SP6: variants seen among roughly 807,000 people sequenced by gnomAD.
SP6 encodes transcription factor Sp6.
SP6 carries 10 observed loss-of-function variants against 23.4 expected under a neutral mutation model. That is an observed-to-expected ratio of 0.43 (90% confidence interval 0.26 to 0.72). SP6 has a LOEUF of 0.72. Ranked by LOEUF, SP6 falls within the 30% of genes least tolerant of loss-of-function variation. The probability of loss-of-function intolerance (pLI) is 0.23; values close to 1 mark genes in which losing one functional copy is unlikely to be tolerated. For synonymous variants in SP6, 238 were observed against 238.7 expected (o/e 1.00, Z 0.03); for missense variants, 482 against 523.8 (o/e 0.92, Z 0.78).
the SP6 span, among the ~76,000 whole-genome samples, chr17:47,861,155 G>T: frequency 1.3e-5 from 2 of 152,206 alleles, no homozygotes; most frequent in African/African-American, 4.8e-5. Context: ...GGTTGGCTCT[G>T]ACTGCCCAGC....
At chr17:47,867,904 A>G in the SP6 span, among the ~76,000 whole-genome samples, 708 of 152,232 alleles carry the variant, frequency 4.7e-3, 10 homozygotes, top group African/African-American at 0.016. Flanking sequence ...GCACAGCCAC[A>G]CTGCCTGTGT....
chr17:47,867,647 C>T, the SP6 span, among the ~76,000 whole-genome samples: 161 of 151,776 alleles, frequency 1.1e-3, no homozygotes, highest in African/African-American at 3.7e-3. Context: ...CACTCAGCTT[C>T]CTGGGCCTCC....
At position 47,848,271 on chromosome 17, in the gene SP6, C is replaced by CT; in HGVS notation, c.158dup (p.Ser54GlufsTer15). ...CCACCTCCGGGCCCAGCGGGAGGCT[C>CT]TGCAGCTCTCCAGGCTGCAGCGGGG... On this transcript the variant is annotated frameshift_variant, in exon 2 of 2. Transcript: ENST00000536300. LOFTEE classifies it high-confidence loss of function. This position sits in a 1 kb window ranked among gnomAD's most constrained non-coding sequence, Gnocchi z 5.3. 1.2e-6 allele frequency: 2 copies of CT among 1,612,044 alleles called. No homozygotes were observed. The highest frequency in any genetic ancestry group is 1.7e-6 in the Non-Finnish European group (2 of 1,179,082).
At chr17:47,871,776 G>A in the SP6 span, among the ~76,000 whole-genome samples, 2 of 152,098 alleles carry the variant, frequency 1.3e-5, no homozygotes, top group Non-Finnish European at 2.9e-5. Context: ...CTGCCACCAT[G>A]CCTGACTAAT....
upstream of SP6, among the ~76,000 whole-genome samples, chr17:47,858,767 C>CTTTTTTTTTTTTTTT (rs36092685): frequency 6.5e-5 from 6 of 92,648 alleles, 2 homozygotes; most frequent in South Asian, 7.7e-4. Context: ...GATGAAGCAT[C>CTTTTTTTTTTTTTTT]TTTTTTTTTT....
chr17:47,863,218 C>T, the SP6 span: 2 of 152,254 alleles, frequency 1.3e-5, no homozygotes, highest in African/African-American at 4.8e-5. Context: ...TGCAGTGTCA[C>T]CTCTGATTCA....
At chr17:47,858,882 C>T (rs1223350331), upstream of SP6, among the ~76,000 whole-genome samples, 3 of 141,092 alleles carry the variant, frequency 2.1e-5, no homozygotes, top group Non-Finnish European at 3.0e-5. Flanking sequence ...TCAAGTGATT[C>T]TCATGCCTCA....
upstream of SP6, among the ~76,000 whole-genome samples, chr17:47,852,920 A>G (rs1328254649): frequency 6.6e-6 from 1 of 152,214 alleles, no homozygotes; most frequent in East Asian, 1.9e-4. Flanking sequence ...TAAATGGAAG[A>G]TATCCTTGTT....
upstream of SP6, among the ~76,000 whole-genome samples, chr17:47,853,833 C>G (rs2033979652): frequency 6.6e-6 from 1 of 152,194 alleles, no homozygotes; most frequent in Non-Finnish European, 1.5e-5. Flanking sequence ...CCTGCTCTGC[C>G]TAGGTTTCTG....
chr17:47,875,297 C>T, the SP6 span, among the ~76,000 whole-genome samples: 1 of 152,326 alleles, frequency 6.6e-6, no homozygotes, highest in African/African-American at 2.4e-5. Flanking sequence ...GCTGCCCTTG[C>T]CACCCTCAGA....
chr17:47,857,428 T>C (rs1008118305), upstream of SP6, among the ~76,000 whole-genome samples: 4 of 152,332 alleles, frequency 2.6e-5, no homozygotes, highest in South Asian at 8.3e-4. Flanking sequence ...AAGGTGAGCA[T>C]ACAAATTCTT....
chr17:47,857,375 C>T (rs1398094515), upstream of SP6, among the ~76,000 whole-genome samples: 1 of 152,226 alleles, frequency 6.6e-6, no homozygotes, highest in Non-Finnish European at 1.5e-5. Flanking sequence ...CAAAGGATGC[C>T]TCCAAATTAT....
At chr17:47,857,935 C>T (rs993280139), upstream of SP6, among the ~76,000 whole-genome samples, 2 of 151,988 alleles carry the variant, frequency 1.3e-5, no homozygotes, top group African/African-American at 4.8e-5. Flanking sequence ...GAGCCACCTC[C>T]CCCAACTCCA....
chr17:47,858,276 C>T (rs2034012576), upstream of SP6, among the ~76,000 whole-genome samples: 1 of 152,152 alleles, frequency 6.6e-6, no homozygotes, highest in Admixed American at 6.5e-5. Flanking sequence ...CTACACTCAG[C>T]TGTCAACTTC....
chr17:47,848,851 C>A lies in SP6; in HGVS notation c.-57-365G>T, dbSNP rs2033925339. 6.6e-6 allele frequency among the ~76,000 whole-genome samples: 1 copy of A among 152,096 alleles called. No individual in the cohort carries two copies. The highest frequency in any genetic ancestry group is 1.5e-5 in the Non-Finnish European group (1 of 68,014). Reference sequence around the variant, plus strand: ...GGCAGTGGCATTTTCCCCCTGCAGACCTGCTGTCAGCCCAAATGGAGGATC... The same window carrying A: ...GGCAGTGGCATTTTCCCCCTGCAGAACTGCTGTCAGCCCAAATGGAGGATC... On this transcript the variant is annotated intron_variant, in intron 1 of 1. Coordinates refer to ENST00000536300, the MANE Select transcript of SP6 (RefSeq NM_001258248.2). This position sits in a 1 kb window ranked among gnomAD's most constrained non-coding sequence, Gnocchi z 5.3.
chr17:47,866,602 T>C, the SP6 span, among the ~76,000 whole-genome samples: 4 of 151,854 alleles, frequency 2.6e-5, no homozygotes, highest in Non-Finnish European at 4.4e-5. Context: ...CGGACCGGAG[T>C]AGCCAGACAG....
chr17:47,873,711 G>A, the SP6 span, among the ~76,000 whole-genome samples: 1 of 152,124 alleles, frequency 6.6e-6, no homozygotes, highest in Non-Finnish European at 1.5e-5. Flanking sequence ...TGCTCTGCTT[G>A]TCATCCTCCC....
upstream of SP6, among the ~76,000 whole-genome samples, chr17:47,860,238 G>A (rs142335981): frequency 3.9e-5 from 6 of 152,278 alleles, no homozygotes; most frequent in African/African-American, 7.2e-5. Flanking sequence ...TGCCTGATGA[G>A]CTCCTATGGA....
At chr17:47,867,397 A>G in the SP6 span, among the ~76,000 whole-genome samples, 2 of 152,116 alleles carry the variant, frequency 1.3e-5, no homozygotes, top group African/African-American at 4.8e-5. Flanking sequence ...CTTCGTGTCT[A>G]TCTAAGAATT....
Sources: gnomAD v4.1 joint callset for allele counts (sites outside exome capture counted in the v4.1 genomes callset) on GRCh38, gnomAD v4.1.1 for gene constraint, Gnocchi (gnomAD v3.1) non-coding constraint, MANE v1.5 for transcripts, NCBI Gene and HGNC (gene_info 2026-07-23, HGNC 2026-07-21) for gene names.